The following CCDC80 variants were observed in gnomAD, a reference collection of about 807,000 sequenced individuals.
The protein encoded by CCDC80 is coiled-coil domain containing 80.
A neutral mutation model predicts 78.7 loss-of-function variants in CCDC80; 49 were observed. That is an observed-to-expected ratio of 0.62 (90% confidence interval 0.50 to 0.79). CCDC80 has a LOEUF of 0.79. Among genes scored for constraint, CCDC80 ranks in the 30% least tolerant of loss-of-function variants. The pLI, the probability that CCDC80 is intolerant of heterozygous loss-of-function variation, is 0.00. For synonymous variants in CCDC80, 488 were observed against 447.0 expected, an observed-to-expected ratio of 1.09 and a Z score of -1.16; for missense variants, 1,205 against 1,198.6, an observed-to-expected ratio of 1.01 and a Z score of -0.08.
intron 3 of CCDC80, among the ~76,000 whole-genome samples, chr3:112,624,990 G>A (rs1349121962): frequency 6.6e-6 from 1 of 152,072 alleles, no homozygotes; most frequent in Non-Finnish European, 1.5e-5. Flanking sequence ...CTAAACAAAT[G>A]AGTCATTATC....
rs145579533 is a variant in CCDC80, at chr3:112,638,179, C to T, written c.1727G>A (p.Ser576Asn). Reference sequence around the variant, plus strand: ...CTTGCTCTTCTCTTTCTCTTGCTTGCTCTTTTTCTCAGACTTCTTCATTTG... The same window carrying T: ...CTTGCTCTTCTCTTTCTCTTGCTTGTTCTTTTTCTCAGACTTCTTCATTTG... ...EKQMKKSEKK[S>N]KQEKEKSKKK... The change falls in exon 2 of 8, where the codon AGC becomes AAC. Residue 576 changes from serine (S) to asparagine (N), a missense_variant. Ser to Asn is a conservative substitution (Grantham distance 46). Coordinates refer to ENST00000206423, the MANE Select transcript of CCDC80 (RefSeq NM_199511.3). 3.7e-6 allele frequency: 6 copies of T among 1,613,432 alleles called. No homozygotes were observed. The highest frequency in any genetic ancestry group is 1.1e-5 in the South Asian group (1 of 91,068).
chr3:112,607,321 C>A, intron 6 of CCDC80, 65 bp from the exon 7 acceptor site: 1 of 1,156,774 alleles, frequency 8.6e-7, no homozygotes, highest in Non-Finnish European at 1.3e-6. Context: ...TACTTCAAAG[C>A]CCTGATATCT....
Position 112,638,713 on chromosome 3 carries a change from G to A in CCDC80, c.1193C>T (p.Thr398Ile), listed in dbSNP as rs768990687. Residue 398 changes from threonine (T) to isoleucine (I), a missense_variant, in exon 2 of 8, where the codon ACA (threonine) becomes ATA (isoleucine). Coordinates refer to ENST00000206423, the MANE Select transcript of CCDC80 (RefSeq NM_199511.3). ...WTPSPSHRPPTTTEVITARRP... is the reference protein window; with the variant it reads ...WTPSPSHRPPITTEVITARRP... Reference sequence around the variant, plus strand: ...CCTGGCAGTGATCACCTCAGTGGTTGTAGGGGGCCTGTGGGAGGGTGAGGG... The same window carrying A: ...CCTGGCAGTGATCACCTCAGTGGTTATAGGGGGCCTGTGGGAGGGTGAGGG... 1.9e-6 allele frequency: 3 copies of A among 1,614,000 alleles called. No individual in the cohort carries two copies. Among genetic ancestry groups the A allele is most frequent in the African/African-American group, 2.7e-5 (2 of 75,010 alleles).
intron 5 of CCDC80, among the ~76,000 whole-genome samples, chr3:112,616,450 A>AAAG (rs1935749673): frequency 3.7e-5 from 1 of 27,156 alleles, no homozygotes. Flanking sequence ...AAAAGAAAAG[A>AAAG]AAAAAAAAAA....
Position 112,610,076 on chromosome 3 carries a change from C to G in CCDC80, c.2327G>C (p.Arg776Pro). The change falls in exon 6 of 8, where the codon CGG becomes CCG. Residue 776 changes from arginine (R) to proline (P), a missense_variant. Coordinates refer to ENST00000206423, the MANE Select transcript of CCDC80 (RefSeq NM_199511.3). ...QSLENFLSRF[R>P]WRRRLLVISA... ...GATCACCAGCAACCTCCTCCTCCACCGGAACCTGGAAAAAAAAAGCAGGAC... is the reference window on the plus strand; with the variant it reads ...GATCACCAGCAACCTCCTCCTCCACGGGAACCTGGAAAAAAAAAGCAGGAC... 1 of 1,612,802 alleles carries G rather than the reference C, an allele frequency of 6.2e-7. No individual in the cohort carries two copies. Among genetic ancestry groups the G allele is most frequent in the Non-Finnish European group, 8.5e-7 (1 of 1,179,774 alleles).
chr3:112,626,573 A>C (rs1271224992), intron 3 of CCDC80, among the ~76,000 whole-genome samples: 1 of 152,092 alleles, frequency 6.6e-6, no homozygotes, highest in Non-Finnish European at 1.5e-5. Flanking sequence ...TTTGAGACAG[A>C]GTGTCACTTT....
chr3:112,614,677 G>A (rs1935696743), intron 5 of CCDC80, among the ~76,000 whole-genome samples: 1 of 152,086 alleles, frequency 6.6e-6, no homozygotes, highest in Non-Finnish European at 1.5e-5. Context: ...GAAGAGCCTT[G>A]GGTTCCTTTC....
chr3:112,616,795 G>A lies in CCDC80; in HGVS notation c.2236C>T (p.Arg746Ter). Reference sequence around the variant, plus strand: ...TTCTGCTTCTCCATATCTTTGATTCGGGACTGGAAAGTATCGATCAGATCA... The same window carrying A: ...TTCTGCTTCTCCATATCTTTGATTCAGGACTGGAAAGTATCGATCAGATCA... ...VFDLIDTFQS[R>*]IKDMEKQKKE... is the part of the protein sequence containing the mutation. Residue 746 changes from arginine (R) to a stop codon, truncating the protein, a stop_gained, in exon 5 of 8, where the codon CGA (arginine) becomes TGA (stop). Transcript: ENST00000206423. LOFTEE classifies it high-confidence loss of function. The A allele has an allele frequency of 1.2e-6, 2 of 1,614,048 alleles. No individual in the cohort carries two copies. The highest frequency in any genetic ancestry group is 1.7e-6 in the Non-Finnish European group (2 of 1,180,000).
At chr3:112,629,788 AAGACTCAGTACCC>A (rs1397342657) in intron 3 of CCDC80, among the ~76,000 whole-genome samples, 11 of 152,290 alleles carry the variant, frequency 7.2e-5, no homozygotes, top group African/African-American at 2.6e-4. Flanking sequence ...CACAGGCGAG[AAGACTCAGTACCC>A]AGAAAAAGTG....
chr3:112,624,805 T>C (rs1935934488), intron 3 of CCDC80, among the ~76,000 whole-genome samples: 1 of 152,228 alleles, frequency 6.6e-6, no homozygotes, highest in African/African-American at 2.4e-5. Context: ...GGTTTACATA[T>C]AAAGTTTGAA....
chr3:112,633,767 G>A (rs1936149348), intron 2 of CCDC80, among the ~76,000 whole-genome samples: 1 of 152,192 alleles, frequency 6.6e-6, no homozygotes, highest in African/African-American at 2.4e-5. Flanking sequence ...CTTTCCCTAT[G>A]TTTTGACATC....
At chr3:112,611,839 A>G (rs1034888758) in intron 5 of CCDC80, among the ~76,000 whole-genome samples, 12 of 152,182 alleles carry the variant, frequency 7.9e-5, no homozygotes, top group African/African-American at 2.2e-4. Context: ...AATTTTATTC[A>G]TGGCTTTGAT....
chr3:112,617,776 C>T (rs993505035), intron 4 of CCDC80, among the ~76,000 whole-genome samples: 1 of 152,228 alleles, frequency 6.6e-6, no homozygotes, highest in Non-Finnish European at 1.5e-5. Flanking sequence ...TTGTGTTCCC[C>T]ATTTCACATG....
In CCDC80 at chr3:112,603,530, A is replaced by ATATAATATATATTATATATTTTATATATG. The variant is rs1308963049; in HGVS notation, c.*1886_*1887insCATATATAAAATATATAATATATATTATA. The ATATAATATATATTATATATTTTATATATG allele has an allele frequency of 1.6e-3, 230 of 146,502 alleles. 1 individual carries two copies. The highest frequency in any genetic ancestry group is 4.0e-3 in the Admixed American group (58 of 14,546). The allele number at this position is 146,502 out of a possible 1,614,324, so 9.1% of individuals were successfully genotyped here. A position where few individuals can be genotyped will look rare whatever the true frequency, so the allele number is the denominator to read the frequency against. ...ACTCCATCTCGAAAAAAATATATAT[A>ATATAATATATATTATATATTTTATATATG]TATATAATATATATTATATATTTTA... On this transcript the variant is annotated 3_prime_UTR_variant, in exon 8 of 8. Coordinates refer to ENST00000206423, the MANE Select transcript of CCDC80 (RefSeq NM_199511.3).
At chr3:112,625,297 CATT>C (rs1357414130) in intron 3 of CCDC80, among the ~76,000 whole-genome samples, 1 of 152,158 alleles carries the variant, frequency 6.6e-6, no homozygotes, top group African/African-American at 2.4e-5. Flanking sequence ...CATATTTAAA[CATT>C]GTTGTTGGAA....
At chr3:112,633,464 A>G (rs948764541) in intron 2 of CCDC80, among the ~76,000 whole-genome samples, 2 of 152,120 alleles carry the variant, frequency 1.3e-5, no homozygotes, top group Non-Finnish European at 2.9e-5. Context: ...CATTTACTAT[A>G]TAACTGTCAC....
rs1259788822 is a variant in CCDC80, at chr3:112,602,396, A to G, written c.*3021T>C. 6.6e-6 allele frequency: 1 copy of G among 152,230 alleles called. No homozygotes were observed. The highest frequency in any genetic ancestry group is 1.5e-5 in the Non-Finnish European group (1 of 68,038). 9.4% of individuals were successfully genotyped at this position (152,230 alleles called of 1,614,324 possible). A position where few individuals can be genotyped will look rare whatever the true frequency, so the allele number is the denominator to read the frequency against. On this transcript the variant is annotated 3_prime_UTR_variant, in exon 8 of 8. Transcript: ENST00000206423. The stretch of plus-strand genomic sequence containing the variant: ...AGAGGAAGTTGCAATCTTTCACTTT[A>G]AATCAAAAGCTAGAAATGAATAAGC...
At chr3:112,612,040 C>CTT (rs754201530) in intron 5 of CCDC80, among the ~76,000 whole-genome samples, 2,433 of 133,352 alleles carry the variant, frequency 0.018, 74 homozygotes, top group African/African-American at 0.064. Flanking sequence ...ACTTCCTCTG[C>CTT]TTTTTTTTTT....
chr3:112,625,626 G>A (rs1935952919), intron 3 of CCDC80, among the ~76,000 whole-genome samples: 1 of 151,940 alleles, frequency 6.6e-6, no homozygotes, highest in Admixed American at 6.6e-5. Flanking sequence ...TATTTTAAGT[G>A]AAAAAAGCAA....
Sources: gnomAD v4.1 joint callset for allele counts (sites outside exome capture counted in the v4.1 genomes callset) on GRCh38, gnomAD v4.1.1 for gene constraint, MANE v1.5 for transcripts, NCBI Gene and HGNC (gene_info 2026-07-23, HGNC 2026-07-21) for gene names.